The following PCDHA7 variants were observed in gnomAD, a reference collection of about 807,000 sequenced individuals.
PCDHA7 encodes the protein protocadherin alpha 7.
PCDHA7 carries 37 observed loss-of-function variants against 57.2 expected under a neutral mutation model. The observed-to-expected ratio is 0.65, with a 90% CI of 0.50 to 0.85. The LOEUF (loss-of-function observed/expected upper bound fraction) is 0.85, where lower values mean the gene tolerates loss of function less well. PCDHA7 is among the 40% of genes least tolerant of loss of function. The pLI, the probability that PCDHA7 is intolerant of heterozygous loss-of-function variation, is 0.00. For missense variants in PCDHA7, 1,188 were observed against 1,241.8 expected (o/e 0.96, Z 0.65); for synonymous variants, 553 against 558.8 (o/e 0.99, Z 0.15).
intron 3 of PCDHA7, among the ~76,000 whole-genome samples, chr5:140,992,421 A>C (rs1412648457): frequency 6.6e-6 from 1 of 152,164 alleles, no homozygotes; most frequent in African/African-American, 2.4e-5. Flanking sequence ...CAGGTCTAAG[A>C]ATATTGTTCC....
At chr5:140,886,545 C>T (rs894582397) in intron 1 of PCDHA7, among the ~76,000 whole-genome samples, 5 of 151,964 alleles carry the variant, frequency 3.3e-5, no homozygotes, top group Non-Finnish European at 7.4e-5. Flanking sequence ...AAGGTCTTCC[C>T]AGCTGGGCAC....
chr5:140,928,288 C>CA (rs1554205700), intron 1 of PCDHA7: 1 of 1,614,156 alleles, frequency 6.2e-7, no homozygotes, highest in East Asian at 2.2e-5. Flanking sequence ...CTCTCTAGGC[C>CA]GAGTGTTTGC....
chr5:140,935,605 T>C (rs1554210594), intron 1 of PCDHA7, among the ~76,000 whole-genome samples: 4 of 152,228 alleles, frequency 2.6e-5, no homozygotes. Flanking sequence ...AGAGCTAGGC[T>C]TTTTTCAAGT....
At chr5:140,924,765 C>T (rs574213548) in intron 1 of PCDHA7, among the ~76,000 whole-genome samples, 2 of 151,640 alleles carry the variant, frequency 1.3e-5, no homozygotes, top group Non-Finnish European at 2.9e-5. Context: ...CATGGTGGTG[C>T]GCGCTTGTAG....
intron 1 of PCDHA7, among the ~76,000 whole-genome samples, chr5:140,959,259 C>T (rs781794121): frequency 4.6e-5 from 7 of 152,040 alleles, no homozygotes; most frequent in African/African-American, 7.2e-5. Flanking sequence ...TGACTGTAGT[C>T]CCAGCTACCC....
chr5:140,917,327 G>C (rs1219338384), intron 1 of PCDHA7, among the ~76,000 whole-genome samples: 1 of 149,420 alleles, frequency 6.7e-6, no homozygotes, highest in African/African-American at 2.5e-5. Flanking sequence ...CATGTGGCGG[G>C]GGAGGGGGGG....
chr5:140,882,104 A>C, intron 1 of PCDHA7: 2 of 1,343,832 alleles, frequency 1.5e-6, no homozygotes. Context: ...CGTTTCCGCG[A>C]AGAAAGCCGC....
At chr5:140,934,029 T>A (rs1267400545) in intron 1 of PCDHA7, among the ~76,000 whole-genome samples, 1 of 152,114 alleles carries the variant, frequency 6.6e-6, no homozygotes, top group Admixed American at 6.5e-5. Flanking sequence ...GGAAGTAGTT[T>A]ATTAATGATA....
chr5:140,844,251 A>G (rs1554140582), intron 1 of PCDHA7, among the ~76,000 whole-genome samples: 1 of 149,748 alleles, frequency 6.7e-6, no homozygotes, highest in East Asian at 1.9e-4. Flanking sequence ...CGTTTTAAGC[A>G]GTGTAGTGAT....
At chr5:140,973,870 T>A (rs2153801427) in intron 1 of PCDHA7, among the ~76,000 whole-genome samples, 1 of 152,264 alleles carries the variant, frequency 6.6e-6, no homozygotes. Flanking sequence ...CAATGAGAGG[T>A]CAGAATAATG....
At position 140,977,766 on chromosome 5, in the gene PCDHA7, G is replaced by C. The variant is rs559146656; in HGVS notation, c.2356-1183G>C. ...AAGAAATGTGTTTATTAAATACTTTGCATCCCTTAAAGGAACTATATGAAT... is the reference window on the plus strand; with the variant it reads ...AAGAAATGTGTTTATTAAATACTTTCCATCCCTTAAAGGAACTATATGAAT... On this transcript the variant is annotated intron_variant, in intron 1 of 3. Coordinates refer to ENST00000525929, the MANE Select transcript of PCDHA7 (RefSeq NM_018910.3). Among the ~76,000 whole-genome samples, 3 of 152,272 alleles carry C rather than the reference G, an allele frequency of 2.0e-5. No homozygotes were observed. In the South Asian group the frequency reaches 6.2e-4, roughly 32 times the overall value.
chr5:140,848,333 CAG>C, intron 1 of PCDHA7: 1 of 843,614 alleles, frequency 1.2e-6, no homozygotes, highest in African/African-American at 1.7e-5. Flanking sequence ...TCTCTGAATC[CAG>C]ACAAATACAG....
In PCDHA7 at chr5:140,887,347, C is replaced by T. The variant is rs568939189; in HGVS notation, c.2355+50609C>T. Among the ~76,000 whole-genome samples the T allele has an allele frequency of 4.6e-5, 7 of 152,202 alleles. No homozygotes were observed. In the South Asian group the frequency reaches 6.2e-4, roughly 14 times the overall value. On this transcript the variant is annotated intron_variant, in intron 1 of 3. Coordinates refer to ENST00000525929, the MANE Select transcript of PCDHA7 (RefSeq NM_018910.3). ...TCCTGACCTCGTGATCCACCTGGCT[C>T]GGCCTCCCAAAGTGCTGGGATTACA...
chr5:140,905,215 AAGGTG>A (rs2071683869), intron 1 of PCDHA7, among the ~76,000 whole-genome samples: 1 of 152,186 alleles, frequency 6.6e-6, no homozygotes, highest in Non-Finnish European at 1.5e-5. Flanking sequence ...ATTTTTGTGT[AAGGTG>A]AGAGATGAGG....
intron 1 of PCDHA7, among the ~76,000 whole-genome samples, chr5:140,919,944 A>T (rs1554199311): frequency 6.6e-6 from 1 of 151,622 alleles, no homozygotes; most frequent in Non-Finnish European, 1.5e-5. Flanking sequence ...AATTCCAGTG[A>T]AAAGTTTGTT....
chr5:140,929,022 C>T (rs17844367), intron 1 of PCDHA7: 4 of 1,614,172 alleles, frequency 2.5e-6, no homozygotes, highest in Admixed American at 3.3e-5. Context: ...TGCACCAGAG[C>T]CCAGGCTGTT....
At chr5:140,992,017 C>CTGTGTGTGTGTGTG (rs10602499) in intron 3 of PCDHA7, among the ~76,000 whole-genome samples, 1 of 145,628 alleles carries the variant, frequency 6.9e-6, no homozygotes, top group African/African-American at 2.5e-5. Flanking sequence ...AGAGGTGGCT[C>CTGTGTGTGTGTGTG]TGTGTGTGTG....
At chr5:140,849,745 G>T (rs2150447816) in intron 1 of PCDHA7, 1 of 1,598,462 alleles carries the variant, frequency 6.3e-7, no homozygotes, top group Admixed American at 1.7e-5. Context: ...GACCGCGAGA[G>T]TGTGTCCGCC....
chr5:140,908,493 G>T (rs545927854), intron 1 of PCDHA7, among the ~76,000 whole-genome samples: 14 of 152,270 alleles, frequency 9.2e-5, no homozygotes, highest in African/African-American at 3.4e-4. Flanking sequence ...AGTTCAGGTT[G>T]CTTGGTGACT....
Sources: gnomAD v4.1 joint callset for allele counts (sites outside exome capture counted in the v4.1 genomes callset) on GRCh38, gnomAD v4.1.1 for gene constraint, MANE v1.5 for transcripts, NCBI Gene and HGNC (gene_info 2026-07-23, HGNC 2026-07-21) for gene names.